ZNF385B: variants seen among roughly 807,000 people sequenced by gnomAD.
ZNF385B encodes zinc finger protein 533.
ZNF385B carries 23 observed loss-of-function variants against 39.2 expected under a neutral mutation model. That is an observed-to-expected ratio of 0.59 (90% CI 0.42 to 0.83). The LOEUF is 0.83. ZNF385B is among the 40% of genes least tolerant of loss of function. The pLI, the probability that ZNF385B is intolerant of heterozygous loss-of-function variation, is 0.00. For synonymous variants in ZNF385B, 205 were observed against 222.6 expected, an observed-to-expected ratio of 0.92 and a Z score of 0.70; for missense variants, 552 against 598.9, an observed-to-expected ratio of 0.92 and a Z score of 0.82.
chr2:179,805,502 G>C (rs1706293642), intron 1 of ZNF385B, among the ~76,000 whole-genome samples: 1 of 152,204 alleles, frequency 6.6e-6, no homozygotes, highest in Non-Finnish European at 1.5e-5. Flanking sequence ...ATTCTAATCT[G>C]TAACTTAACA....
intron 3 of ZNF385B, among the ~76,000 whole-genome samples, chr2:179,682,824 G>C (rs1033389630): frequency 1.3e-5 from 2 of 151,980 alleles, no homozygotes; most frequent in African/African-American, 4.8e-5. Context: ...CCATACTTCG[G>C]GTCTCTGAAC....
chr2:179,739,043 A>C (rs1012818691), intron 3 of ZNF385B, among the ~76,000 whole-genome samples: 8 of 152,186 alleles, frequency 5.3e-5, no homozygotes, highest in Non-Finnish European at 7.3e-5. Context: ...TTCCACCACC[A>C]CTGCAAATTC....
At chr2:179,646,827 CCTA>C (rs1336957819) in intron 3 of ZNF385B, among the ~76,000 whole-genome samples, 1 of 152,096 alleles carries the variant, frequency 6.6e-6, no homozygotes, top group African/African-American at 2.4e-5. Context: ...GCAAGAGTGT[CCTA>C]CTCTGGGGAA....
intron 5 of ZNF385B, among the ~76,000 whole-genome samples, chr2:179,485,720 A>T (rs2054496204): frequency 6.6e-6 from 1 of 152,128 alleles, no homozygotes; most frequent in African/African-American, 2.4e-5. Flanking sequence ...TTCATGCCAC[A>T]GTCTGTTTTT....
At chr2:179,490,367 A>C (rs1015023083) in intron 5 of ZNF385B, among the ~76,000 whole-genome samples, 31 of 152,206 alleles carry the variant, frequency 2.0e-4, no homozygotes, top group Non-Finnish European at 3.5e-4. Context: ...ATTATCAGAA[A>C]ACTTCAATGT....
intron 6 of ZNF385B, among the ~76,000 whole-genome samples, chr2:179,457,416 C>T (rs544856917): frequency 6.6e-6 from 1 of 152,040 alleles, no homozygotes; most frequent in Non-Finnish European, 1.5e-5. Flanking sequence ...TATTGGGCCA[C>T]AAGATATTCA....
At chr2:179,479,876 G>GGTCACAA (rs1439426096) in intron 6 of ZNF385B, among the ~76,000 whole-genome samples, 7 of 151,898 alleles carry the variant, frequency 4.6e-5, no homozygotes, top group African/African-American at 1.7e-4. Context: ...TTCATCTGTG[G>GGTCACAA]GTCACAAGTT....
chr2:179,702,584 T>C (rs1699290670), intron 3 of ZNF385B, among the ~76,000 whole-genome samples: 1 of 152,182 alleles, frequency 6.6e-6, no homozygotes, highest in South Asian at 2.1e-4. Context: ...AAACTAGATT[T>C]GGGTATTGTA....
At chr2:179,728,044 A>G (rs1701132768) in intron 3 of ZNF385B, among the ~76,000 whole-genome samples, 1 of 152,144 alleles carries the variant, frequency 6.6e-6, no homozygotes, top group South Asian at 2.1e-4. Context: ...AAACAAATGT[A>G]GCTCATTCCC....
At chr2:179,662,731 G>C (rs1694642302) in intron 3 of ZNF385B, among the ~76,000 whole-genome samples, 1 of 151,960 alleles carries the variant, frequency 6.6e-6, no homozygotes, top group African/African-American at 2.4e-5. Flanking sequence ...TAAAATACTT[G>C]CTTTATTTTT....
At chr2:179,445,862 A>AT in intron 7 of ZNF385B, 134 bp from the exon 8 acceptor site, 1 of 796,734 alleles carries the variant, frequency 1.3e-6, no homozygotes, top group Non-Finnish European at 1.8e-6. Flanking sequence ...TTTAATGCTG[A>AT]TTTTAAATTT....
At chr2:179,547,486 T>C (rs530781838) in intron 3 of ZNF385B, among the ~76,000 whole-genome samples, 1 of 149,618 alleles carries the variant, frequency 6.7e-6, no homozygotes. Context: ...CTTTCCTCTA[T>C]GTATATTTTT....
At chr2:179,706,647 G>T (rs544519784) in intron 3 of ZNF385B, among the ~76,000 whole-genome samples, 1 of 152,292 alleles carries the variant, frequency 6.6e-6, no homozygotes, top group African/African-American at 2.4e-5. Context: ...AACACTGAAG[G>T]TTCAGAAAGA....
chr2:179,793,425 T>C (rs1705463314), intron 1 of ZNF385B, among the ~76,000 whole-genome samples: 1 of 152,174 alleles, frequency 6.6e-6, no homozygotes, highest in African/African-American at 2.4e-5. Flanking sequence ...CCCCAGGTGG[T>C]GAAGGAGAGA....
At chr2:179,475,647 A>T (rs1231662681) in intron 6 of ZNF385B, among the ~76,000 whole-genome samples, 1 of 68,278 alleles carries the variant, frequency 1.5e-5, no homozygotes, top group African/African-American at 5.5e-5. Context: ...AGGGAACCTG[A>T]GCCTCAAGGA....
chr2:179,527,262 C>G (rs1249038327), intron 4 of ZNF385B, among the ~76,000 whole-genome samples: 1 of 152,150 alleles, frequency 6.6e-6, no homozygotes, highest in Non-Finnish European at 1.5e-5. Flanking sequence ...GGAGTCAGCC[C>G]AGAGATGAGG....
intron 3 of ZNF385B, among the ~76,000 whole-genome samples, chr2:179,714,781 A>G (rs1700213000): frequency 6.6e-6 from 1 of 151,558 alleles, no homozygotes; most frequent in African/African-American, 2.4e-5. Context: ...ACCTATCTCT[A>G]CTAAAACTAC....
chr2:179,486,152 A>G (rs1331486601), intron 5 of ZNF385B, among the ~76,000 whole-genome samples: 1 of 152,206 alleles, frequency 6.6e-6, no homozygotes, highest in Non-Finnish European at 1.5e-5. Context: ...TAAAAATTAA[A>G]AATTGATAAT....
intron 6 of ZNF385B, among the ~76,000 whole-genome samples, chr2:179,466,944 A>AAAAAG (rs2052100059): frequency 2.9e-5 from 4 of 138,332 alleles, no homozygotes; most frequent in Admixed American, 1.4e-4. Flanking sequence ...AAAAAAAAAA[A>AAAAAG]GAGAGAGAGA....
Sources: gnomAD v4.1 joint callset for allele counts (sites outside exome capture counted in the v4.1 genomes callset) on GRCh38, gnomAD v4.1.1 for gene constraint, MANE v1.5 for transcripts, NCBI Gene and HGNC (gene_info 2026-07-23, HGNC 2026-07-21) for gene names.